KYAT3: variants seen among roughly 807,000 people sequenced by gnomAD.
KYAT3 encodes kynurenine--oxoglutarate transaminase 3.
Under a neutral mutation model 59.0 loss-of-function variants are expected in KYAT3, and 50 were observed. The ratio of observed to expected loss-of-function variants is 0.85; its 90% confidence interval spans 0.68 to 1.07. The LOEUF is 1.07. Ranked by LOEUF, KYAT3 falls within the 50% of genes least tolerant of loss-of-function variation. The probability of loss-of-function intolerance (pLI) is 0.00; values close to 1 mark genes in which losing one functional copy is unlikely to be tolerated. For synonymous variants in KYAT3, 148 were observed against 177.0 expected, an observed-to-expected ratio of 0.84 and a Z score of 1.30; for missense variants, 497 against 533.3, an observed-to-expected ratio of 0.93 and a Z score of 0.67.
At chr1:88,971,262 T>C (rs1415053505) in intron 2 of KYAT3, among the ~76,000 whole-genome samples, 1 of 152,216 alleles carries the variant, frequency 6.6e-6, no homozygotes, top group East Asian at 1.9e-4. Flanking sequence ...GAGGTTGAAA[T>C]GCACTTTCAG....
intron 2 of KYAT3, among the ~76,000 whole-genome samples, chr1:88,977,943 C>A (rs1283259306): frequency 6.6e-6 from 1 of 152,142 alleles, no homozygotes; most frequent in Non-Finnish European, 1.5e-5. Flanking sequence ...ATAGTCTATG[C>A]CATATAGCCT....
At chr1:88,935,128 G>C (rs930218978), downstream of KYAT3, among the ~76,000 whole-genome samples, 4 of 151,394 alleles carry the variant, frequency 2.6e-5, no homozygotes, top group African/African-American at 9.7e-5. Context: ...CAAGTAGCTG[G>C]GATTACAGGA....
chr1:88,961,532 T>C lies in KYAT3; in HGVS notation c.541-26A>G, dbSNP rs1419630330. ...CTAAGCATGAAGAATGAAGATATAA[T>C]TTAATTCAATTAAGTCATGTTTACT... is the stretch of plus-strand genomic sequence containing the variant. On this transcript the variant is annotated intron_variant, in intron 6 of 13. Coordinates refer to ENST00000260508, the MANE Select transcript of KYAT3 (RefSeq NM_001008661.3). 4.4e-6 allele frequency: 7 copies of C among 1,584,718 alleles called. No homozygotes were observed. The African/African-American group carries it at 6.8e-5, about 15-fold the overall frequency.
the KYAT3 span, among the ~76,000 whole-genome samples, chr1:88,929,870 C>T: frequency 6.6e-6 from 1 of 152,188 alleles, no homozygotes; most frequent in East Asian, 1.9e-4. Flanking sequence ...AATGTGGTTT[C>T]CCAGGTACGG....
At chr1:88,941,965 T>C (rs1033635522) in intron 13 of KYAT3, among the ~76,000 whole-genome samples, 33 of 152,252 alleles carry the variant, frequency 2.2e-4, no homozygotes, top group Non-Finnish European at 4.4e-4. Flanking sequence ...TAAGTTGCTT[T>C]TCACCAAATA....
At chr1:88,971,814 C>T (rs1352453734) in intron 2 of KYAT3, among the ~76,000 whole-genome samples, 1 of 152,148 alleles carries the variant, frequency 6.6e-6, no homozygotes, top group African/African-American at 2.4e-5. Flanking sequence ...TTCTACGAGT[C>T]AGGGTCAGGT....
At chr1:88,980,659 C>G (rs1677038303) in intron 2 of KYAT3, 1 of 152,442 alleles carries the variant, frequency 6.6e-6, no homozygotes, top group African/African-American at 2.4e-5. Context: ...GGTGTCTGGT[C>G]ATTTTAACAT....
chr1:88,923,200 T>C, the KYAT3 span, among the ~76,000 whole-genome samples: 3 of 152,248 alleles, frequency 2.0e-5, no homozygotes, highest in Non-Finnish European at 4.4e-5. Flanking sequence ...AATTAATATA[T>C]GTCAAGTAAT....
intron 10 of KYAT3, among the ~76,000 whole-genome samples, chr1:88,950,265 G>A (rs1367652613): frequency 6.6e-6 from 1 of 152,182 alleles, no homozygotes; most frequent in Non-Finnish European, 1.5e-5. Context: ...TGAGACTGGA[G>A]ACAGAGAGGG....
the KYAT3 span, among the ~76,000 whole-genome samples, chr1:88,926,027 C>CA: frequency 6.6e-6 from 1 of 152,076 alleles, no homozygotes; most frequent in African/African-American, 2.4e-5. Flanking sequence ...GCGGGTGGCC[C>CA]AAATGCATTC....
At chr1:88,988,191 C>A (rs887401314) in intron 2 of KYAT3, 61 bp downstream of exon 2, 2 of 1,047,210 alleles carry the variant, frequency 1.9e-6, no homozygotes, top group African/African-American at 1.6e-5. Flanking sequence ...TGAAAAATTA[C>A]ATATTTTTTG....
chr1:88,939,960 AT>A (rs552248944), intron 13 of KYAT3, among the ~76,000 whole-genome samples: 4 of 151,688 alleles, frequency 2.6e-5, no homozygotes, highest in African/African-American at 7.3e-5. Context: ...CCATGGCAAC[AT>A]TTTTTTTGGG....
In KYAT3 at chr1:88,949,097, A is replaced by G; in HGVS notation, c.1135T>C (p.Leu379=). The change falls in exon 11 of 14, where the codon TTG becomes CTG. Residue 379 remains leucine, a synonymous_variant. Coordinates refer to ENST00000260508, the MANE Select transcript of KYAT3 (RefSeq NM_001008661.3). ...AATAAAAGCCTTTACAAACCTAGCA[A>G]AGACACATCAGCGATGATGAAGTAT... The part of the protein sequence containing the change: ...GGYFIIADVS[L]LDPDLSDMKN... 1 of 1,576,042 alleles carries G rather than the reference A, an allele frequency of 6.3e-7. No homozygotes were observed. Among genetic ancestry groups the G allele is most frequent in the Non-Finnish European group, 8.6e-7 (1 of 1,167,446 alleles).
chr1:88,968,438 G>C (rs985691194), intron 4 of KYAT3, among the ~76,000 whole-genome samples: 4 of 152,172 alleles, frequency 2.6e-5, no homozygotes, highest in Admixed American at 2.6e-4. Flanking sequence ...CTATCTTGGA[G>C]CAACAGTAAA....
intron 5 of KYAT3, among the ~76,000 whole-genome samples, chr1:88,963,146 C>T: frequency 6.6e-6 from 1 of 151,604 alleles, no homozygotes; most frequent in East Asian, 1.9e-4. Context: ...GTAATAAATG[C>T]TATAAAGAAA....
chr1:88,986,025 A>G (rs1394092882), intron 2 of KYAT3, among the ~76,000 whole-genome samples: 1 of 152,062 alleles, frequency 6.6e-6, no homozygotes. Context: ...TACAAAAAAT[A>G]CAAATATTGG....
intron 10 of KYAT3, among the ~76,000 whole-genome samples, chr1:88,952,638 G>T (rs2101031708): frequency 6.6e-6 from 1 of 152,262 alleles, no homozygotes; most frequent in South Asian, 2.1e-4. Context: ...TTTCTGTACA[G>T]CCTGTAGAAC....
rs149546056 is a variant in KYAT3, at chr1:88,955,224, A to G, written c.789T>C (p.Ala263=). 3.6e-4 allele frequency: 571 copies of G among 1,599,888 alleles called. No homozygotes were observed. Among genetic ancestry groups the G allele is most frequent in the Non-Finnish European group, 4.7e-4 (549 of 1,167,746 alleles). ...TTCTCTCCCACATACCTGGAAAAGT[A>G]GCTAAACAGAGGAGGAAAAAAGGGT... The part of the protein sequence containing the change: ...VYSGNKHLKI[A]TFPGMWERTI... The change falls in exon 9 of 14, where the codon GCT becomes GCC. Residue 263 remains alanine, a splice_region_variant and synonymous_variant. Coordinates refer to ENST00000260508, the MANE Select transcript of KYAT3 (RefSeq NM_001008661.3).
chr1:88,969,306 C>A (rs1055821448), intron 3 of KYAT3, 103 bp downstream of exon 3: 3 of 711,962 alleles, frequency 4.2e-6, no homozygotes, highest in Non-Finnish European at 7.6e-6. Context: ...AAATGAGGAC[C>A]TTTATTTATA....
Sources: allele counts gnomAD v4.1 joint callset (sites outside exome capture counted in the v4.1 genomes callset), GRCh38; gene constraint gnomAD v4.1.1; transcripts MANE v1.5; gene names NCBI Gene and HGNC (gene_info 2026-07-23, HGNC 2026-07-21).